P2RY6: variants seen among roughly 807,000 people sequenced by gnomAD.
P2RY6 encodes P2Y purinoceptor 6.
Under a neutral mutation model 16.3 loss-of-function variants are expected in P2RY6, and 19 were observed. The ratio of observed to expected loss-of-function variants is 1.16; its 90% CI spans 0.81 to 1.71. P2RY6 has a LOEUF of 1.71. P2RY6 is among the 40% of genes most tolerant of loss of function. The pLI is 0.00. For missense variants in P2RY6, 389 were observed against 455.5 expected (o/e 0.85, Z 1.33); for synonymous variants, 184 against 201.5 (o/e 0.91, Z 0.74).
chr11:73,291,242 C>T (rs1864233631), intron 1 of P2RY6, among the ~76,000 whole-genome samples: 1 of 152,168 alleles, frequency 6.6e-6, no homozygotes, highest in Non-Finnish European at 1.5e-5. Context: ...CTTTGTGTTT[C>T]CCATCCATCC....
rs1864557074 is a variant in P2RY6 at position 73,297,428 on chromosome 11, A to T, written c.910A>T (p.Thr304Ser). The T allele has an allele frequency of 6.2e-7, 1 of 1,612,578 alleles. No homozygotes were observed. The highest frequency in any genetic ancestry group is 8.5e-7 in the Non-Finnish European group (1 of 1,179,932). The change falls in exon 3 of 3, where the codon ACC becomes TCC. Residue 304 changes from threonine to serine, a missense_variant. Coordinates refer to ENST00000540124, the MANE Select transcript of P2RY6 (RefSeq NM_001277204.2). The stretch of plus-strand genomic sequence containing the variant: ...GCTGGACCCCATCCTCTTCTACTTC[A>T]CCCAGAAGAAGTTCCGCCGGCGACC... The part of the protein sequence containing the change: ...SVLDPILFYF[T>S]QKKFRRRPHE...
rs769744057 is a variant in P2RY6, at chr11:73,296,541, G to C, written c.23G>C (p.Gly8Ala). The C allele has an allele frequency of 2.5e-6, 4 of 1,614,086 alleles. No individual in the cohort carries two copies. Among genetic ancestry groups the C allele is most frequent in the East Asian group, 2.2e-5 (1 of 44,880 alleles). Reference sequence around the variant, plus strand: ...GCCATGGAATGGGACAATGGCACAGGCCAGGCTCTGGGCTTGCCACCCACC... The same window carrying C: ...GCCATGGAATGGGACAATGGCACAGCCCAGGCTCTGGGCTTGCCACCCACC... MEWDNGT[G>A]QALGLPPTTC... Residue 8 changes from glycine to alanine, a missense_variant, in exon 3 of 3, where the codon GGC (glycine) becomes GCC (alanine). Coordinates refer to ENST00000540124, the MANE Select transcript of P2RY6 (RefSeq NM_001277204.2).
upstream of P2RY6, among the ~76,000 whole-genome samples, chr11:73,269,232 G>A (rs185141202): frequency 6.6e-6 from 1 of 152,302 alleles, no homozygotes; most frequent in East Asian, 1.9e-4. Flanking sequence ...CAGGAGGGTG[G>A]CTGTGGAGGG....
chr11:73,286,159 C>T (rs1262589795), intron 1 of P2RY6, among the ~76,000 whole-genome samples: 3 of 152,180 alleles, frequency 2.0e-5, no homozygotes. Context: ...GACCTTAAGG[C>T]CTCCCTAGCC....
chr11:73,281,501 G>C (rs1020648847), intron 1 of P2RY6, among the ~76,000 whole-genome samples: 1 of 152,236 alleles, frequency 6.6e-6, no homozygotes, highest in Non-Finnish European at 1.5e-5. Context: ...GTTCCTTCCT[G>C]TTCTATTCTG....
intron 2 of P2RY6, 142 bp downstream of exon 2, chr11:73,295,957 C>T (rs1440117086): frequency 5.9e-6 from 1 of 170,612 alleles, no homozygotes; most frequent in Non-Finnish European, 1.2e-5. Flanking sequence ...TGCAGATCCA[C>T]CATGACCAGA....
At chr11:73,295,017 T>C (rs1002966577) in intron 1 of P2RY6, among the ~76,000 whole-genome samples, 2 of 152,226 alleles carry the variant, frequency 1.3e-5, no homozygotes, top group African/African-American at 4.8e-5. Context: ...CAGGACTTCA[T>C]ATTTTTTCTG....
intron 1 of P2RY6, among the ~76,000 whole-genome samples, chr11:73,281,483 G>A (rs1863760781): frequency 6.6e-6 from 1 of 152,220 alleles, no homozygotes; most frequent in South Asian, 2.1e-4. Context: ...TGGAGCAGAT[G>A]GCACACAGTT....
upstream of P2RY6, among the ~76,000 whole-genome samples, chr11:73,270,495 A>G (rs897702635): frequency 4.1e-4 from 63 of 152,246 alleles, no homozygotes; most frequent in African/African-American, 1.4e-3. Flanking sequence ...CTTTGTGGAC[A>G]TGCCAAGAGA....
Position 73,296,679 on chromosome 11 carries a change from C to T in P2RY6, c.161C>T (p.Ser54Phe). The change falls in exon 3 of 3, where the codon TCC becomes TTC. Residue 54 changes from serine to phenylalanine, a missense_variant. Physicochemically the swap from Ser to Phe is radical, Grantham distance 155. Transcript: ENST00000540124. Reference protein sequence around the residue: ...NICVITQICTSRRALTRTAVY... With the variant: ...NICVITQICTFRRALTRTAVY... ...TGTGTCATTACCCAGATCTGCACGTCCCGCCGGGCCCTGACCCGCACGGCC... is the reference window on the plus strand; with the variant it reads ...TGTGTCATTACCCAGATCTGCACGTTCCGCCGGGCCCTGACCCGCACGGCC... 1.9e-6 allele frequency: 3 copies of T among 1,614,174 alleles called. No individual in the cohort carries two copies. Among genetic ancestry groups the T allele is most frequent in the Non-Finnish European group, 2.5e-6 (3 of 1,180,030 alleles).
Position 73,265,625 on chromosome 11 carries a change from G to A in P2RY6, c.-281+976G>A, listed in dbSNP as rs149907422. Among the ~76,000 whole-genome samples the A allele has an allele frequency of 1.8e-3, 278 of 152,204 alleles. 1 individual carries two copies. The highest frequency in any genetic ancestry group is 6.5e-3 in the African/African-American group (268 of 41,496). On this transcript the variant is annotated intron_variant, in intron 1 of 3. Coordinates refer to the P2RY6 transcript ENST00000349767. ...TGTTTGGGTCACTCCTGGGGCAGGG[G>A]CAGGAGAGCTGGGCTTCTGAGGAGG...
At chr11:73,270,835 G>A (rs941865719), upstream of P2RY6, among the ~76,000 whole-genome samples, 1 of 152,104 alleles carries the variant, frequency 6.6e-6, no homozygotes, top group African/African-American at 2.4e-5. Flanking sequence ...TCTCCTCCAG[G>A]CTAGGTGGCT....
intron 1 of P2RY6, among the ~76,000 whole-genome samples, chr11:73,289,751 G>C (rs1024121798): frequency 1.3e-5 from 2 of 152,240 alleles, no homozygotes; most frequent in Admixed American, 6.5e-5. Flanking sequence ...CAATGGAGAA[G>C]GGGGCCTTAG....
At chr11:73,278,700 T>A (rs948448932) in intron 1 of P2RY6, among the ~76,000 whole-genome samples, 1 of 152,226 alleles carries the variant, frequency 6.6e-6, no homozygotes, top group African/African-American at 2.4e-5. Flanking sequence ...GTATCAGAAT[T>A]TCATTTTTTA....
upstream of P2RY6, among the ~76,000 whole-genome samples, chr11:73,267,924 C>G (rs1212496153): frequency 6.6e-6 from 1 of 152,242 alleles, no homozygotes; most frequent in Non-Finnish European, 1.5e-5. Flanking sequence ...GGACTCAGCT[C>G]TTCCTCTCCC....
chr11:73,286,100 A>G (rs550474693), intron 1 of P2RY6, among the ~76,000 whole-genome samples: 118 of 152,352 alleles, frequency 7.7e-4, no homozygotes, highest in African/African-American at 2.7e-3. Flanking sequence ...GGGAGGCTTC[A>G]GAGAGCCCCC....
At position 73,286,574 on chromosome 11, in the gene P2RY6, TA is replaced by T. The variant is rs34923291; in HGVS notation, c.-120-9140del. On this transcript the variant is annotated intron_variant, in intron 1 of 2. Coordinates refer to ENST00000540124, the MANE Select transcript of P2RY6 (RefSeq NM_001277204.2). The stretch of plus-strand genomic sequence containing the variant: ...TCTGTCATCAGTCAAGACAAAGATT[TA>T]AAAAAAAAAAAAAAATGGAACCAGG... 5.3e-3 allele frequency among the ~76,000 whole-genome samples: 724 copies of T among 137,096 alleles called. 2 individuals are homozygous for T. Among genetic ancestry groups the T allele is most frequent in the Admixed American group, 6.9e-3 (94 of 13,672 alleles). The allele number at this position is 137,096 out of a possible 152,430, so 89.9% of individuals were successfully genotyped here.
intron 1 of P2RY6, among the ~76,000 whole-genome samples, chr11:73,280,682 G>A (rs1399803646): frequency 6.6e-6 from 1 of 152,168 alleles, no homozygotes; most frequent in Non-Finnish European, 1.5e-5. Flanking sequence ...AGTTTACAAT[G>A]GGAGTTGGCC....
upstream of P2RY6, chr11:73,271,786 GAGAGGGTCTCTCT>G (rs1280185054): frequency 6.6e-6 from 1 of 152,076 alleles, no homozygotes; most frequent in East Asian, 1.9e-4. Flanking sequence ...AAAACAGTAT[GAGAGGGTCTCTCT>G]CCTCCCTCAG....
Sources: allele counts gnomAD v4.1 joint callset (sites outside exome capture counted in the v4.1 genomes callset), GRCh38; gene constraint gnomAD v4.1.1; transcripts MANE v1.5; gene names NCBI Gene and HGNC (gene_info 2026-07-23, HGNC 2026-07-21).